RAD51B: variants seen among roughly 807,000 people sequenced by gnomAD.
RAD51B encodes the protein DNA repair protein RAD51 homolog 2.
In RAD51B, 38 loss-of-function variants were observed where a neutral mutation model predicts 42.2. The ratio of observed to expected loss-of-function variants is 0.90; its 90% CI spans 0.70 to 1.18. The LOEUF is 1.18. Among genes scored for constraint, RAD51B ranks in the 50% most tolerant of loss-of-function variants. The probability of loss-of-function intolerance (pLI) is 0.00; values close to 1 mark genes in which losing one functional copy is unlikely to be tolerated. For missense variants in RAD51B, 373 were observed against 400.7 expected (o/e 0.93, Z 0.59); for synonymous variants, 154 against 145.2 (o/e 1.06, Z -0.43).
intron 10 of RAD51B, among the ~76,000 whole-genome samples, chr14:68,552,392 T>C (rs1888622286): frequency 3.9e-5 from 6 of 152,164 alleles, no homozygotes; most frequent in Admixed American, 3.9e-4. Flanking sequence ...GCACCTTTCC[T>C]TCAGTCATGT....
chr14:68,640,157 G>C (rs1000995944), intron 10 of RAD51B, among the ~76,000 whole-genome samples: 5 of 152,180 alleles, frequency 3.3e-5, no homozygotes, highest in African/African-American at 1.2e-4. Context: ...CTTTCCGTAA[G>C]CACATCCATG....
At chr14:68,526,050 C>A (rs1886906987) in intron 10 of RAD51B, among the ~76,000 whole-genome samples, 1 of 152,196 alleles carries the variant, frequency 6.6e-6, no homozygotes, top group African/African-American at 2.4e-5. Context: ...AAGTTGGTTA[C>A]CATCATAGCG....
chr14:68,083,296 G>C (rs899088642), intron 7 of RAD51B, among the ~76,000 whole-genome samples: 11 of 152,198 alleles, frequency 7.2e-5, no homozygotes, highest in Non-Finnish European at 1.2e-4. Flanking sequence ...TTAGGACACA[G>C]CTGGTACATT....
At chr14:68,489,328 G>T (rs1044550586) in intron 10 of RAD51B, among the ~76,000 whole-genome samples, 1 of 152,118 alleles carries the variant, frequency 6.6e-6, no homozygotes, top group Non-Finnish European at 1.5e-5. Context: ...GACTGCCTGG[G>T]TTCATACTGC....
chr14:68,630,996 T>C (rs1892215226), intron 10 of RAD51B, among the ~76,000 whole-genome samples: 2 of 152,134 alleles, frequency 1.3e-5, no homozygotes, highest in Non-Finnish European at 2.9e-5. Context: ...CTGATTCTCA[T>C]GATAAGAAGG....
chr14:68,365,652 A>T (rs1308852569), intron 8 of RAD51B, among the ~76,000 whole-genome samples: 1 of 152,200 alleles, frequency 6.6e-6, no homozygotes, highest in Non-Finnish European at 1.5e-5. Flanking sequence ...TAAAAAACAA[A>T]TTTTTTAAGG....
At chr14:68,234,026 G>C (rs1017811429) in intron 7 of RAD51B, among the ~76,000 whole-genome samples, 9 of 152,122 alleles carry the variant, frequency 5.9e-5, no homozygotes, top group African/African-American at 2.2e-4. Context: ...GTGGAAAAAA[G>C]GGGTAACAAA....
chr14:68,132,194 TG>T (rs2077906518), intron 7 of RAD51B, among the ~76,000 whole-genome samples: 1 of 152,196 alleles, frequency 6.6e-6, no homozygotes, highest in South Asian at 2.1e-4. Flanking sequence ...GGCTAAAGAA[TG>T]GCAGGGAATC....
At chr14:68,255,795 G>T (rs1209970614) in intron 7 of RAD51B, among the ~76,000 whole-genome samples, 1 of 152,138 alleles carries the variant, frequency 6.6e-6, no homozygotes, top group African/African-American at 2.4e-5. Context: ...TAATTTCTAT[G>T]TCTGGGATGA....
At position 68,546,561 on chromosome 14, in the gene RAD51B, G is replaced by A. The variant is rs112209053; in HGVS notation, c.1037-47924G>A. On this transcript the variant is annotated intron_variant, in intron 10 of 10. Coordinates refer to the RAD51B transcript ENST00000487270. ...TTGGAAATATACGTGGGCAATTCTG[G>A]AAGATGGCTGGAGCTGAGGTCACAG... is the stretch of plus-strand genomic sequence containing the variant. Among the ~76,000 whole-genome samples the A allele has an allele frequency of 3.3e-5, 5 of 152,332 alleles. 1 individual carries two copies. The highest frequency in any genetic ancestry group is 1.2e-4 in the African/African-American group (5 of 41,580).
At chr14:68,178,567 C>G (rs2079003142) in intron 7 of RAD51B, among the ~76,000 whole-genome samples, 1 of 152,130 alleles carries the variant, frequency 6.6e-6, no homozygotes. Context: ...TCAAATCCTT[C>G]TTTGTTAAAA....
At chr14:68,599,395 A>G (rs1174311631), downstream of RAD51B, among the ~76,000 whole-genome samples, 1 of 151,944 alleles carries the variant, frequency 6.6e-6, no homozygotes, top group African/African-American at 2.4e-5. Context: ...TGTTTAGGAA[A>G]CTCATTGCAA....
intron 4 of RAD51B, among the ~76,000 whole-genome samples, chr14:67,843,006 C>T (rs978956263): frequency 6.6e-6 from 1 of 152,054 alleles, no homozygotes; most frequent in Non-Finnish European, 1.5e-5. Context: ...AGCCCTGCGT[C>T]TCAGGAATAA....
chr14:68,277,022 G>C (rs1242671591), intron 7 of RAD51B, among the ~76,000 whole-genome samples: 1 of 152,172 alleles, frequency 6.6e-6, no homozygotes, highest in African/African-American at 2.4e-5. Flanking sequence ...CATGGTGAGT[G>C]TTAGGGAAGG....
At chr14:68,414,938 A>G (rs2084517160) in intron 9 of RAD51B, among the ~76,000 whole-genome samples, 1 of 141,008 alleles carries the variant, frequency 7.1e-6, no homozygotes, top group Non-Finnish European at 1.5e-5. Flanking sequence ...AGGCTGAGGT[A>G]GGAGAATCAC....
At chr14:67,894,738 A>G (rs188602601) in intron 7 of RAD51B, among the ~76,000 whole-genome samples, 212 of 152,096 alleles carry the variant, frequency 1.4e-3, no homozygotes, top group Non-Finnish European at 2.4e-3. Context: ...TCTCGGGTAA[A>G]CCCTTTATCA....
chr14:68,605,620 C>G (rs1323957708), intron 10 of RAD51B, among the ~76,000 whole-genome samples: 1 of 152,172 alleles, frequency 6.6e-6, no homozygotes, highest in Non-Finnish European at 1.5e-5. Context: ...CACATGTGCT[C>G]TCTCTCTCTT....
chr14:68,028,235 G>A (rs1310434067), intron 7 of RAD51B, among the ~76,000 whole-genome samples: 3 of 152,188 alleles, frequency 2.0e-5, no homozygotes, highest in Non-Finnish European at 4.4e-5. Flanking sequence ...TCACCAGTAC[G>A]TTGGGGAGAG....
chr14:67,828,113 A>G lies in RAD51B; in HGVS notation c.198+2536A>G, dbSNP rs150848614. 5.9e-5 allele frequency among the ~76,000 whole-genome samples: 9 copies of G among 152,334 alleles called. No individual in the cohort carries two copies. The East Asian group carries it at 9.6e-4, about 16-fold the overall frequency. Reference sequence around the variant, plus strand: ...TAATTTACACTCCCACCAACAGTGTAAAAGCATTCCTATTAGTCTGCAACC... The same window carrying G: ...TAATTTACACTCCCACCAACAGTGTGAAAGCATTCCTATTAGTCTGCAACC... On this transcript the variant is annotated intron_variant, in intron 3 of 10. Coordinates refer to ENST00000471583, the MANE Select transcript of RAD51B (RefSeq NM_133510.4).
Sources: allele counts gnomAD v4.1 joint callset (sites outside exome capture counted in the v4.1 genomes callset), GRCh38; gene constraint gnomAD v4.1.1; transcripts MANE v1.5; gene names NCBI Gene and HGNC (gene_info 2026-07-23, HGNC 2026-07-21).